THRA: variants seen among roughly 807,000 people sequenced by gnomAD.
The protein encoded by THRA is thyroid hormone receptor alpha.
In THRA, 13 loss-of-function variants were observed where a neutral mutation model predicts 45.0. The ratio of observed to expected loss-of-function variants is 0.29; its 90% CI spans 0.19 to 0.46. The LOEUF (loss-of-function observed/expected upper bound fraction) is 0.46, where lower values mean the gene tolerates loss of function less well. THRA is among the 20% of genes least tolerant of loss of function. The probability of loss-of-function intolerance (pLI) is 1.00; values close to 1 mark genes in which losing one functional copy is unlikely to be tolerated. For missense variants in THRA, 278 were observed against 556.1 expected (o/e 0.50, Z 5.03); for synonymous variants, 195 against 214.0 (o/e 0.91, Z 0.78).
chr17:40,074,648 G>A (rs1264803779), intron 2 of THRA, 107 bp downstream of exon 2: 5 of 1,218,064 alleles, frequency 4.1e-6, no homozygotes, highest in East Asian at 2.4e-5. Context: ...TGGGATGGAC[G>A]TGAGGCCAGC....
At chr17:40,063,229 C>T (rs1986424093) in intron 1 of THRA, 137 bp downstream of exon 1, 1 of 152,288 alleles carries the variant, frequency 6.6e-6, no homozygotes, top group African/African-American at 2.4e-5. Context: ...TCAGCCTTTC[C>T]TGGCGCCCCA....
At chr17:40,083,249 A>T (rs1419462084) in intron 4 of THRA, among the ~76,000 whole-genome samples, 3 of 147,442 alleles carry the variant, frequency 2.0e-5, no homozygotes, top group Non-Finnish European at 4.5e-5. Context: ...TTATACTTTT[A>T]GTAGAGACAG....
At chr17:40,064,792 CT>C (rs1465405221) in intron 1 of THRA, among the ~76,000 whole-genome samples, 2 of 152,154 alleles carry the variant, frequency 1.3e-5, no homozygotes, top group Admixed American at 6.5e-5. Context: ...AGTTGATTGA[CT>C]GTGGAACCTG....
At chr17:40,069,242 C>T (rs771228058) in intron 1 of THRA, among the ~76,000 whole-genome samples, 3 of 150,456 alleles carry the variant, frequency 2.0e-5, no homozygotes, top group Admixed American at 6.6e-5. Flanking sequence ...CTTCCTCCCT[C>T]CTTCCTATTC....
At chr17:40,084,850 C>T (rs1486961421) in intron 6 of THRA, 35 bp downstream of exon 6, 1 of 1,608,270 alleles carries the variant, frequency 6.2e-7, no homozygotes, top group South Asian at 1.1e-5. Flanking sequence ...GAGCAGTAGC[C>T]AGGTGGCAGG....
rs1987418542 is a variant in THRA at position 40,088,621 on chromosome 17, GGGCCA to G, written c.982+122_982+126del. On this transcript the variant is annotated intron_variant, in intron 8 of 8. Coordinates refer to ENST00000450525, the MANE Select transcript of THRA (RefSeq NM_199334.5). ...CTTCTGGGCTACCTCTCTGTCACCT[GGGCCA>G]TCCCCTATCCCCTGTTCCTTGCTCT... 21 of 1,277,844 alleles carry G rather than the reference GGGCCA, an allele frequency of 1.6e-5. No individual in the cohort carries two copies. In the South Asian group the frequency reaches 2.7e-4, roughly 16 times the overall value. 79.2% of individuals were successfully genotyped at this position (1,277,844 alleles called of 1,614,324 possible).
chr17:40,071,725 C>G (rs912653017), intron 1 of THRA, among the ~76,000 whole-genome samples: 1 of 152,178 alleles, frequency 6.6e-6, no homozygotes, highest in Non-Finnish European at 1.5e-5. Flanking sequence ...GGGTGGGTAC[C>G]CCTGCCCCAT....
chr17:40,089,933 G>A lies in THRA; in HGVS notation c.*477G>A. 1.0e-6 allele frequency: 1 copy of A among 994,452 alleles called. No individual in the cohort carries two copies. Among genetic ancestry groups the A allele is most frequent in the South Asian group, 4.5e-5 (1 of 22,012 alleles). The allele number at this position is 994,452 out of a possible 1,614,324, so 61.6% of individuals were successfully genotyped here. A position where few individuals can be genotyped will look rare whatever the true frequency, so the allele number is the denominator to read the frequency against. ...CCCAGATGCCTGGGTGCAAAGAACGGCTTGGCTTGGCTCCTCCTCTGGAGG... is the reference window on the plus strand; with the variant it reads ...CCCAGATGCCTGGGTGCAAAGAACGACTTGGCTTGGCTCCTCCTCTGGAGG... On this transcript the variant is annotated 3_prime_UTR_variant, in exon 9 of 9. Transcript: ENST00000450525. The surrounding 1 kb of genome is among the most constrained non-coding windows in gnomAD (Gnocchi z 6.1).
chr17:40,093,408 G>A (rs912096228), downstream of THRA: 12 of 1,599,596 alleles, frequency 7.5e-6, no homozygotes, highest in Admixed American at 1.7e-5. This position sits in a 1 kb window ranked among gnomAD's most constrained non-coding sequence, Gnocchi z 5.9. Flanking sequence ...CGATGGGGAA[G>A]GAGAAGGAGT....
chr17:40,062,868 C>G (rs915682463), upstream of THRA: 75 of 147,248 alleles, frequency 5.1e-4, no homozygotes, highest in African/African-American at 1.8e-3. Flanking sequence ...CGAGCCCCAG[C>G]CGGAGCGGGG....
intron 1 of THRA, among the ~76,000 whole-genome samples, chr17:40,071,720 G>A (rs1194687989): frequency 6.6e-6 from 1 of 152,308 alleles, no homozygotes; most frequent in Middle Eastern, 3.4e-3. Flanking sequence ...CTTCAGGGTG[G>A]GTACCCCTGC....
chr17:40,075,054 T>G (rs1408665054), intron 2 of THRA, among the ~76,000 whole-genome samples: 2 of 152,270 alleles, frequency 1.3e-5, no homozygotes, highest in Non-Finnish European at 2.9e-5. Flanking sequence ...TTGTTCATGG[T>G]CAAGGGCGGG....
chr17:40,071,602 G>A (rs1033596462), intron 1 of THRA, among the ~76,000 whole-genome samples: 10 of 152,192 alleles, frequency 6.6e-5, no homozygotes, highest in Admixed American at 2.6e-4. Flanking sequence ...CCATAGCTCC[G>A]CCCCCTCGGC....
chr17:40,066,122 T>TA (rs1478274639), intron 1 of THRA, among the ~76,000 whole-genome samples: 2 of 152,170 alleles, frequency 1.3e-5, no homozygotes, highest in Admixed American at 6.5e-5. Context: ...AAGTATGTAC[T>TA]AAGCGAGGCC....
chr17:40,093,355 C>A (rs1324237377), downstream of THRA: 1 of 1,612,360 alleles, frequency 6.2e-7, no homozygotes, highest in African/African-American at 1.3e-5. The surrounding 1 kb of genome is among the most constrained non-coding windows in gnomAD (Gnocchi z 5.9). Flanking sequence ...TCTGCGAGGA[C>A]CTGGCAGGCA....
chr17:40,093,177 C>T (rs775618097), downstream of THRA: 4 of 1,613,916 alleles, frequency 2.5e-6, no homozygotes, highest in Middle Eastern at 1.6e-4. The surrounding 1 kb of genome is among the most constrained non-coding windows in gnomAD (Gnocchi z 5.9). Flanking sequence ...CTTGGTGAAG[C>T]GGGAAGTCTC....
chr17:40,065,878 C>G (rs989143657), intron 1 of THRA, among the ~76,000 whole-genome samples: 2 of 152,190 alleles, frequency 1.3e-5, no homozygotes, highest in Admixed American at 1.3e-4. Flanking sequence ...CAGCTAGCAG[C>G]TCTTAAACAA....
chr17:40,075,644 A>G (rs1986925481), intron 2 of THRA, among the ~76,000 whole-genome samples: 1 of 152,166 alleles, frequency 6.6e-6, no homozygotes, highest in African/African-American at 2.4e-5. Flanking sequence ...CAGTCTCCTA[A>G]GACTGCAACC....
intron 1 of THRA, among the ~76,000 whole-genome samples, chr17:40,071,016 A>C (rs1414102712): frequency 3.0e-5 from 4 of 131,354 alleles, no homozygotes; most frequent in Admixed American, 8.0e-5. Flanking sequence ...CTGCCTTGTC[A>C]CCCCTAGCTC....
Sources: gnomAD v4.1 joint callset for allele counts (sites outside exome capture counted in the v4.1 genomes callset) on GRCh38, gnomAD v4.1.1 for gene constraint, Gnocchi (gnomAD v3.1) non-coding constraint, MANE v1.5 for transcripts, NCBI Gene and HGNC (gene_info 2026-07-23, HGNC 2026-07-21) for gene names.